RGS10: variants seen among roughly 807,000 people sequenced by gnomAD.
The protein encoded by RGS10 is regulator of G protein signaling 10, also known as regulator of G-protein signalling 10.
RGS10 carries 11 observed loss-of-function variants against 23.5 expected under a neutral mutation model. The ratio of observed to expected loss-of-function variants is 0.47; its 90% CI spans 0.29 to 0.77. The LOEUF (loss-of-function observed/expected upper bound fraction) is 0.77, where lower values mean the gene tolerates loss of function less well. Among genes scored for constraint, RGS10 ranks in the 30% least tolerant of loss-of-function variants. RGS10 has a pLI of 0.08. For missense variants in RGS10, 180 were observed against 226.3 expected (o/e 0.80, Z 1.31); for synonymous variants, 77 against 83.2 (o/e 0.92, Z 0.41).
In RGS10 at chr10:119,519,597, G is replaced by GC. The variant is rs200243104; in HGVS notation, c.256-3946_256-3945insG. On this transcript the variant is annotated intron_variant, in intron 3 of 4. Transcript: ENST00000369103. ...TCTCCCAGCTTCTGTCTCCCTATCT[G>GC]TCCCCCAGCTCCTGTCTCCCTGTAT... Among the ~76,000 whole-genome samples, 725 of 93,124 alleles carry GC rather than the reference G, an allele frequency of 7.8e-3. 89 individuals carry two copies. The highest frequency in any genetic ancestry group is 0.029 in the African/African-American group (529 of 18,416). The allele number at this position is 93,124 out of a possible 152,430, so 61.1% of individuals were successfully genotyped here.
chr10:119,516,155 G>A (rs1156382533), intron 3 of RGS10, among the ~76,000 whole-genome samples: 2 of 151,684 alleles, frequency 1.3e-5, no homozygotes, highest in Non-Finnish European at 2.9e-5. Flanking sequence ...AGGAGGCTGA[G>A]GCAGGAGAAT....
intron 4 of RGS10, among the ~76,000 whole-genome samples, chr10:119,508,669 T>A (rs142410056): frequency 6.6e-6 from 1 of 152,238 alleles, no homozygotes; most frequent in South Asian, 2.1e-4. Context: ...AATAACGTCA[T>A]CGATTTCCTG....
intron 1 of RGS10, among the ~76,000 whole-genome samples, chr10:119,541,345 C>A (rs997962388): frequency 6.6e-6 from 1 of 152,108 alleles, no homozygotes; most frequent in Non-Finnish European, 1.5e-5. Context: ...TAGTACTTGC[C>A]GGGCAACAAT....
At chr10:119,521,731 AAAAAACAGAACAGT>A (rs1844221024) in intron 3 of RGS10, among the ~76,000 whole-genome samples, 15 of 152,068 alleles carry the variant, frequency 9.9e-5, no homozygotes, top group Non-Finnish European at 2.2e-4. Flanking sequence ...GAAAAAAAAA[AAAAAACAGAACAGT>A]TTACATATAA....
chr10:119,534,700 C>G (rs1433182445), intron 1 of RGS10, among the ~76,000 whole-genome samples: 2 of 151,224 alleles, frequency 1.3e-5, no homozygotes, highest in Non-Finnish European at 2.9e-5. Flanking sequence ...ACCATCCTAG[C>G]CAATGTGCTG....
intron 3 of RGS10, among the ~76,000 whole-genome samples, chr10:119,521,627 A>AAGGAAGGAAGG (rs1844217781): frequency 8.3e-6 from 1 of 119,856 alleles, no homozygotes; most frequent in Admixed American, 9.3e-5. Flanking sequence ...GGAAGGAAAG[A>AAGGAAGGAAGG]AAGGAAGGAA....
Position 119,524,296 on chromosome 10 carries a change from C to A in RGS10, c.255+1736G>T, listed in dbSNP as rs1430304366. Among the ~76,000 whole-genome samples, 2 of 152,210 alleles carry A rather than the reference C, an allele frequency of 1.3e-5. No homozygotes were observed. Among genetic ancestry groups the A allele is most frequent in the African/African-American group, 2.4e-5 (1 of 41,462 alleles). On this transcript the variant is annotated intron_variant, in intron 3 of 4. Transcript: ENST00000369103. This position sits in a 1 kb window ranked among gnomAD's most constrained non-coding sequence, Gnocchi z 5.2. ...AATTCAACTGAACGGAGGCACAGAG[C>A]AGCATGGTGGTGCAGACAACAACGG...
chr10:119,530,957 A>G (rs546348285), intron 1 of RGS10, among the ~76,000 whole-genome samples: 4 of 152,354 alleles, frequency 2.6e-5, no homozygotes, highest in African/African-American at 9.6e-5. Flanking sequence ...AAACTCACTT[A>G]AACACATCAC....
rs773238194 is a variant in RGS10 at position 119,527,411 on chromosome 10, G to A, written c.63C>T (p.Ser21=). ...RKRPPSDIHD[S]DGSSSSSHQS... ...GGTGGCTGCTGCTGGAACTGCCATCGCTGTCGTGGATGTCTGCAAAGCAAA... is the reference window on the plus strand; with the variant it reads ...GGTGGCTGCTGCTGGAACTGCCATCACTGTCGTGGATGTCTGCAAAGCAAA... Residue 21 remains serine (S), a synonymous_variant, in exon 2 of 5, where the codon AGC becomes AGT. Coordinates refer to ENST00000369103, the MANE Select transcript of RGS10 (RefSeq NM_001005339.2). The surrounding 1 kb of genome is among the most constrained non-coding windows in gnomAD (Gnocchi z 4.2). The A allele has an allele frequency of 9.4e-5, 151 of 1,613,768 alleles. No homozygotes were observed. The highest frequency in any genetic ancestry group is 1.2e-4 in the Non-Finnish European group (144 of 1,179,762).
At position 119,536,546 on chromosome 10, in the gene RGS10, G is replaced by C. The variant is rs1346094793; in HGVS notation, c.49+6044C>G. On this transcript the variant is annotated intron_variant, in intron 1 of 4. Coordinates refer to ENST00000369103, the MANE Select transcript of RGS10 (RefSeq NM_001005339.2). Reference sequence around the variant, plus strand: ...TCCCAGAGACGCCTTGTGTGAGAAAGGCAGAGACTGGAGGGCTCCCGAGCA... The same window carrying C: ...TCCCAGAGACGCCTTGTGTGAGAAACGCAGAGACTGGAGGGCTCCCGAGCA... 7 of 1,585,488 alleles carry C rather than the reference G, an allele frequency of 4.4e-6. No homozygotes were observed. In the African/African-American group the frequency reaches 9.5e-5, roughly 21 times the overall value.
chr10:119,542,564 G>T, intron 1 of RGS10, 26 bp downstream of exon 1: 1 of 1,390,032 alleles, frequency 7.2e-7, no homozygotes, highest in Non-Finnish European at 9.3e-7. Context: ...CCGACCCCGA[G>T]CCCGCGGGCC....
At chr10:119,539,413 AC>A (rs1206773002) in intron 1 of RGS10, among the ~76,000 whole-genome samples, 1 of 152,132 alleles carries the variant, frequency 6.6e-6, no homozygotes. Flanking sequence ...CTGAGAGGTC[AC>A]CCCTGGGTGC....
chr10:119,542,572 GC>G lies in RGS10; in HGVS notation c.49+17del. ...CGGCGCCCCGACCCCGAGCCCGCGG[GC>G]CCCCGAAGCCGCTTACCTGACGGCG... On this transcript the variant is annotated intron_variant, in intron 1 of 4. Transcript: ENST00000369103. 2 of 1,399,024 alleles carry G rather than the reference GC, an allele frequency of 1.4e-6. No individual in the cohort carries two copies. Among genetic ancestry groups the G allele is most frequent in the Non-Finnish European group, 1.9e-6 (2 of 1,076,370 alleles). The allele number at this position is 1,399,024 out of a possible 1,614,324, so 86.7% of individuals were successfully genotyped here. A position where few individuals can be genotyped will look rare whatever the true frequency, so the allele number is the denominator to read the frequency against.
At chr10:119,541,315 A>G (rs1844433090) in intron 1 of RGS10, among the ~76,000 whole-genome samples, 1 of 152,220 alleles carries the variant, frequency 6.6e-6, no homozygotes, top group African/African-American at 2.4e-5. Context: ...TTACATGACC[A>G]CTAACGCTAA....
intron 3 of RGS10, among the ~76,000 whole-genome samples, chr10:119,518,055 G>A (rs905319368): frequency 2.6e-5 from 4 of 152,254 alleles, no homozygotes; most frequent in Non-Finnish European, 5.9e-5. Context: ...TGTCTAGGCC[G>A]AGAACATGAG....
chr10:119,525,997 A>G (rs1844268604), intron 3 of RGS10, 35 bp downstream of exon 3: 1 of 1,237,882 alleles, frequency 8.1e-7, no homozygotes, highest in South Asian at 1.5e-5. Flanking sequence ...TTGTAACTTT[A>G]TAAGGGAAAA....
At position 119,517,362 on chromosome 10, in the gene RGS10, T is replaced by C. The variant is rs115799401; in HGVS notation, c.256-1710A>G. Among the ~76,000 whole-genome samples the C allele has an allele frequency of 0.017, 2,592 of 152,230 alleles. 52 individuals carry two copies. The highest frequency in any genetic ancestry group is 0.049 in the African/African-American group (2,018 of 41,522). On this transcript the variant is annotated intron_variant, in intron 3 of 4. Transcript: ENST00000369103. The surrounding 1 kb of genome is among the most constrained non-coding windows in gnomAD (Gnocchi z 5.0). ...AGCAATGAATCGATGCCAGACTCAG[T>C]GACACAGGAGTCTCTCCAGACAAGC...
intron 3 of RGS10, among the ~76,000 whole-genome samples, chr10:119,520,484 AGGTGGCTCCCCCGCC>A (rs1844199804): frequency 6.6e-6 from 1 of 152,186 alleles, no homozygotes; most frequent in Admixed American, 6.5e-5. Flanking sequence ...TTGAGCAGTC[AGGTGGCTCCCCCGCC>A]ACCTTCAACA....
chr10:119,503,099 C>T (rs112571870), intron 4 of RGS10, among the ~76,000 whole-genome samples: 4,230 of 152,116 alleles, frequency 0.028, 76 homozygotes, highest in Middle Eastern at 0.048. Context: ...CAACTAAGGC[C>T]GGGTGCGGTG....
Sources: allele counts gnomAD v4.1 joint callset (sites outside exome capture counted in the v4.1 genomes callset), GRCh38; gene constraint gnomAD v4.1.1; non-coding constraint Gnocchi (gnomAD v3.1); transcripts MANE v1.5; gene names NCBI Gene and HGNC (gene_info 2026-07-23, HGNC 2026-07-21).